Variants in TAFA4 observed in about 807,000 individuals in gnomAD.
The protein encoded by TAFA4 is chemokine-like protein TAFA-4.
A neutral mutation model predicts 21.1 loss-of-function variants in TAFA4; 20 were observed. That is an observed-to-expected ratio of 0.95 (90% CI 0.67 to 1.38). TAFA4 has a LOEUF of 1.38. Among genes scored for constraint, TAFA4 ranks in the 40% most tolerant of loss-of-function variants. The pLI is 0.00. For missense variants in TAFA4, 211 were observed against 180.9 expected (o/e 1.17, Z -0.95); for synonymous variants, 71 against 67.4 (o/e 1.05, Z -0.26).
At chr3:68,878,788 G>C (rs1444093319) in intron 3 of TAFA4, among the ~76,000 whole-genome samples, 1 of 152,020 alleles carries the variant, frequency 6.6e-6, no homozygotes, top group Non-Finnish European at 1.5e-5. Context: ...AATACTACTG[G>C]ATTCTGTGGA....
intron 3 of TAFA4, among the ~76,000 whole-genome samples, chr3:68,778,449 GTTGGAGACTGATATGGT>G (rs1379043030): frequency 6.6e-6 from 1 of 152,182 alleles, no homozygotes; most frequent in Non-Finnish European, 1.5e-5. Context: ...CGCAATTACA[GTTGGAGACTGATATGGT>G]TTGGCTGTGC....
chr3:68,784,784 G>A (rs1045732150), intron 3 of TAFA4, among the ~76,000 whole-genome samples: 4 of 152,196 alleles, frequency 2.6e-5, no homozygotes, highest in Admixed American at 2.6e-4. Context: ...AGAGCCCAGT[G>A]GTTCTGTTTT....
At chr3:68,765,132 T>C (rs1702826785) in intron 3 of TAFA4, among the ~76,000 whole-genome samples, 1 of 152,164 alleles carries the variant, frequency 6.6e-6, no homozygotes, top group Non-Finnish European at 1.5e-5. Flanking sequence ...CAAAAGGACT[T>C]GTTTTAGTCC....
At chr3:68,901,024 T>G (rs552096137) in intron 1 of TAFA4, among the ~76,000 whole-genome samples, 61 of 152,256 alleles carry the variant, frequency 4.0e-4, no homozygotes, top group Admixed American at 1.2e-3. Flanking sequence ...TTCCTGCAAC[T>G]TAGAATTGAG....
intron 1 of TAFA4, among the ~76,000 whole-genome samples, chr3:68,922,708 CGGTTTTCT>C (rs2090070831): frequency 6.6e-6 from 1 of 152,160 alleles, no homozygotes; most frequent in Non-Finnish European, 1.5e-5. Flanking sequence ...CTCGAAGAAA[CGGTTTTCT>C]AGGAATCCTG....
intron 3 of TAFA4, among the ~76,000 whole-genome samples, chr3:68,778,120 A>C (rs868716091): frequency 6.6e-6 from 1 of 152,234 alleles, no homozygotes; most frequent in Middle Eastern, 3.2e-3. Context: ...TGAATAAGCA[A>C]GAAAACCCAA....
chr3:68,847,226 G>A (rs749881173), intron 3 of TAFA4, among the ~76,000 whole-genome samples: 15 of 152,230 alleles, frequency 9.9e-5, no homozygotes, highest in Non-Finnish European at 2.1e-4. Flanking sequence ...CAGAGAGGAG[G>A]AATCTAGAGA....
chr3:68,739,250 G>T (rs1219039790), intron 4 of TAFA4, 51 bp from the exon 5 acceptor site: 2 of 1,603,984 alleles, frequency 1.2e-6, no homozygotes, highest in Middle Eastern at 1.7e-4. Context: ...TTCCTCCAAA[G>T]ATGGACAAAA....
chr3:68,902,168 C>T (rs1164164712), intron 1 of TAFA4, among the ~76,000 whole-genome samples: 1 of 152,130 alleles, frequency 6.6e-6, no homozygotes, highest in Non-Finnish European at 1.5e-5. Context: ...TATGTGGAGG[C>T]AGAGAGGTGA....
At chr3:68,864,849 G>GATGA (rs375498835) in intron 3 of TAFA4, among the ~76,000 whole-genome samples, 4 of 151,980 alleles carry the variant, frequency 2.6e-5, no homozygotes, top group East Asian at 3.9e-4. Flanking sequence ...GAACAATTAT[G>GATGA]CAGAAAGAAA....
At chr3:68,884,064 T>C (rs1189987416) in intron 2 of TAFA4, among the ~76,000 whole-genome samples, 1 of 152,216 alleles carries the variant, frequency 6.6e-6, no homozygotes, top group Non-Finnish European at 1.5e-5. Context: ...GGGATGTTCT[T>C]CAGTAATGAA....
At chr3:68,874,685 G>A (rs1055487361) in intron 3 of TAFA4, among the ~76,000 whole-genome samples, 2 of 151,948 alleles carry the variant, frequency 1.3e-5, no homozygotes, top group African/African-American at 4.8e-5. Flanking sequence ...ACTCAAAGAG[G>A]GAAGGGTGAA....
At chr3:68,873,943 G>A (rs1208535386) in intron 3 of TAFA4, among the ~76,000 whole-genome samples, 1 of 152,092 alleles carries the variant, frequency 6.6e-6, no homozygotes, top group Non-Finnish European at 1.5e-5. Context: ...TGTCAGTGAT[G>A]AGCTACTGAA....
chr3:68,876,127 T>C (rs777182582), intron 3 of TAFA4, among the ~76,000 whole-genome samples: 3 of 152,218 alleles, frequency 2.0e-5, no homozygotes, highest in Admixed American at 1.3e-4. Context: ...CATGTGACTA[T>C]TGAGCACTTG....
chr3:68,807,900 C>T (rs1300972305), intron 3 of TAFA4, among the ~76,000 whole-genome samples: 1 of 152,158 alleles, frequency 6.6e-6, no homozygotes, highest in Non-Finnish European at 1.5e-5. Context: ...ACAATATGTC[C>T]TCTGGTGTTG....
At chr3:68,906,009 T>A (rs1486370075) in intron 1 of TAFA4, among the ~76,000 whole-genome samples, 1 of 152,102 alleles carries the variant, frequency 6.6e-6, no homozygotes, top group Non-Finnish European at 1.5e-5. Context: ...TCCCAGGGCA[T>A]TTGGGAAAGG....
chr3:68,907,286 CAACT>C (rs1203590764), intron 1 of TAFA4, among the ~76,000 whole-genome samples: 1 of 152,064 alleles, frequency 6.6e-6, no homozygotes, highest in Non-Finnish European at 1.5e-5. Flanking sequence ...AGATATGCAC[CAACT>C]GTCATTCTCA....
At chr3:68,754,344 C>T (rs1009836149) in intron 3 of TAFA4, among the ~76,000 whole-genome samples, 20 of 152,272 alleles carry the variant, frequency 1.3e-4, no homozygotes, top group African/African-American at 4.8e-4. Context: ...ATTTCATTAG[C>T]CTCCTTTATT....
At chr3:68,745,767 C>A (rs1040827861) in intron 4 of TAFA4, among the ~76,000 whole-genome samples, 1 of 152,184 alleles carries the variant, frequency 6.6e-6, no homozygotes. Context: ...ATAAGCCAGA[C>A]TTCAAATTAT....
Sources: gnomAD v4.1 joint callset for allele counts (sites outside exome capture counted in the v4.1 genomes callset) on GRCh38, gnomAD v4.1.1 for gene constraint, MANE v1.5 for transcripts, NCBI Gene and HGNC (gene_info 2026-07-23, HGNC 2026-07-21) for gene names.